The following HHIP variants were observed in gnomAD, a reference collection of about 807,000 sequenced individuals.
HHIP encodes the protein hedgehog-interacting protein.
HHIP carries 12 observed loss-of-function variants against 74.0 expected under a neutral mutation model. The observed-to-expected ratio is 0.16, with a 90% CI of 0.10 to 0.26. The LOEUF (loss-of-function observed/expected upper bound fraction) is 0.26, where lower values mean the gene tolerates loss of function less well. Among genes scored for constraint, HHIP ranks in the 10% least tolerant of loss-of-function variants. HHIP has a pLI of 1.00. For missense variants in HHIP, 788 were observed against 845.0 expected (o/e 0.93, Z 0.84); for synonymous variants, 309 against 311.6 (o/e 0.99, Z 0.09).
rs991007129 is a variant in HHIP, at chr4:144,667,243, A to G, written c.831+7405A>G. Among the ~76,000 whole-genome samples, 4 of 152,224 alleles carry G rather than the reference A, an allele frequency of 2.6e-5. No individual in the cohort carries two copies. The East Asian group carries it at 7.7e-4, about 29-fold the overall frequency. ...CATGCACCTATAGTCTCAGCTACTCAAGAGGCTCAGCGAGAGGATCCCTTG... is the reference window on the plus strand; with the variant it reads ...CATGCACCTATAGTCTCAGCTACTCGAGAGGCTCAGCGAGAGGATCCCTTG... On this transcript the variant is annotated intron_variant, in intron 4 of 12. Transcript: ENST00000296575.
At position 144,652,812 on chromosome 4, in the gene HHIP, T is replaced by A; in HGVS notation, c.472+15T>A. 1 of 1,432,176 alleles carries A rather than the reference T, an allele frequency of 7.0e-7. No individual in the cohort carries two copies. Among genetic ancestry groups the A allele is most frequent in the Non-Finnish European group, 9.6e-7 (1 of 1,037,322 alleles). The allele number at this position is 1,432,176 out of a possible 1,614,324, so 88.7% of individuals were successfully genotyped here. A position where few individuals can be genotyped will look rare whatever the true frequency, so the allele number is the denominator to read the frequency against. On this transcript the variant is annotated intron_variant, in intron 2 of 12. Coordinates refer to ENST00000296575, the MANE Select transcript of HHIP (RefSeq NM_022475.3). Reference sequence around the variant, plus strand: ...CCATATTCCAGGTAAGAAAAAAAAATGCATAAGTAAAATAAACCACTGCAC... The same window carrying A: ...CCATATTCCAGGTAAGAAAAAAAAAAGCATAAGTAAAATAAACCACTGCAC...
intron 3 of HHIP, 88 bp from the exon 4 acceptor site, chr4:144,659,549 A>G: frequency 2.5e-6 from 2 of 805,000 alleles, no homozygotes; most frequent in Non-Finnish European, 1.8e-6. Flanking sequence ...TGATTCCTAG[A>G]GGAAATAGAG....
intron 4 of HHIP, among the ~76,000 whole-genome samples, chr4:144,661,644 A>G (rs1188600262): frequency 6.6e-6 from 1 of 152,170 alleles, no homozygotes; most frequent in East Asian, 1.9e-4. Context: ...GGCCACTGTC[A>G]GTATGATGGG....
chr4:144,719,260 G>A (rs2126671109), intron 11 of HHIP, among the ~76,000 whole-genome samples: 1 of 152,290 alleles, frequency 6.6e-6, no homozygotes, highest in Middle Eastern at 3.4e-3. Flanking sequence ...GTGAGGCAGT[G>A]GCTTAGGCTC....
intron 4 of HHIP, among the ~76,000 whole-genome samples, chr4:144,690,070 A>G (rs895875876): frequency 6.6e-6 from 1 of 152,212 alleles, no homozygotes; most frequent in Non-Finnish European, 1.5e-5. Flanking sequence ...GGCCTCCCAA[A>G]GTACTGGGAT....
In HHIP at chr4:144,737,917, T is replaced by G; in HGVS notation, c.2063T>G (p.Met688Arg). Residue 688 changes from methionine to arginine, a missense_variant, in exon 13 of 13, where the codon ATG becomes AGG. Met to Arg is a moderately conservative substitution (Grantham distance 91, BLOSUM62 -1). Coordinates refer to ENST00000296575, the MANE Select transcript of HHIP (RefSeq NM_022475.3). Reference sequence around the variant, plus strand: ...GGTATTCTTGATCAGATCATTGACATGACATCTTACTTGCTGGATCTAACA... The same window carrying G: ...GGTATTCTTGATCAGATCATTGACAGGACATCTTACTTGCTGGATCTAACA... ...RAGILDQIID[M>R]TSYLLDLTSY... 6.2e-7 allele frequency: 1 copy of G among 1,612,640 alleles called. No homozygotes were observed. The highest frequency in any genetic ancestry group is 1.1e-5 in the South Asian group (1 of 90,924).
At chr4:144,733,515 C>T (rs1731019203) in intron 11 of HHIP, among the ~76,000 whole-genome samples, 1 of 152,118 alleles carries the variant, frequency 6.6e-6, no homozygotes, top group South Asian at 2.1e-4. Context: ...AGGGACATAA[C>T]AAGGTAACCT....
Position 144,652,752 on chromosome 4 carries a change from G to A in HHIP, c.427G>A (p.Asp143Asn). 1 of 1,606,094 alleles carries A rather than the reference G, an allele frequency of 6.2e-7. No individual in the cohort carries two copies. The highest frequency in any genetic ancestry group is 2.2e-5 in the East Asian group (1 of 44,794). Residue 143 changes from aspartate to asparagine, a missense_variant, in exon 2 of 13, where the codon GAC (aspartate) becomes AAC (asparagine). Coordinates refer to ENST00000296575, the MANE Select transcript of HHIP (RefSeq NM_022475.3). ...RDLVLPLLCK[D>N]YCKEFFYTCR... Reference sequence around the variant, plus strand: ...CCTAGTACTTCCTCTGCTCTGCAAAGACTATTGCAAAGAATTCTTTTACAC... The same window carrying A: ...CCTAGTACTTCCTCTGCTCTGCAAAAACTATTGCAAAGAATTCTTTTACAC...
chr4:144,705,256 T>C (rs1730101646), intron 4 of HHIP, among the ~76,000 whole-genome samples: 1 of 152,198 alleles, frequency 6.6e-6, no homozygotes, highest in Non-Finnish European at 1.5e-5. Context: ...CCATGTAAAA[T>C]AAGAACTACA....
chr4:144,714,119 G>T, intron 8 of HHIP, 106 bp from the exon 9 acceptor site: 2 of 966,456 alleles, frequency 2.1e-6, no homozygotes, highest in South Asian at 1.5e-5. Context: ...GTGTATCATA[G>T]AACACATTTC....
chr4:144,696,410 A>C (rs1729819429), intron 4 of HHIP, among the ~76,000 whole-genome samples: 1 of 151,944 alleles, frequency 6.6e-6, no homozygotes, highest in African/African-American at 2.4e-5. Context: ...CATTTAATTT[A>C]AAGTAATATA....
chr4:144,683,022 G>T (rs920390543), intron 4 of HHIP, among the ~76,000 whole-genome samples: 1 of 152,196 alleles, frequency 6.6e-6, no homozygotes, highest in Admixed American at 6.5e-5. Context: ...ACCTGAGAGG[G>T]TTTGGACACT....
intron 11 of HHIP, among the ~76,000 whole-genome samples, chr4:144,732,706 T>C (rs991004718): frequency 1.3e-5 from 2 of 152,194 alleles, no homozygotes; most frequent in African/African-American, 4.8e-5. Context: ...TGCCATCTCT[T>C]TGGATTCACC....
chr4:144,692,690 C>A (rs924446998), intron 4 of HHIP, among the ~76,000 whole-genome samples: 4 of 152,152 alleles, frequency 2.6e-5, no homozygotes, highest in African/African-American at 9.7e-5. Context: ...TAAAGTCTCT[C>A]CCCAGCTAGA....
intron 10 of HHIP, 30 bp downstream of exon 10, chr4:144,715,460 C>T: frequency 6.3e-7 from 1 of 1,591,978 alleles, no homozygotes; most frequent in Non-Finnish European, 8.6e-7. Flanking sequence ...TGTTAAGTTT[C>T]ATTCTCACTT....
At chr4:144,657,263 T>C (rs528679595) in intron 2 of HHIP, among the ~76,000 whole-genome samples, 49 of 152,310 alleles carry the variant, frequency 3.2e-4, no homozygotes, top group African/African-American at 1.0e-3. Context: ...AGTAAACTTG[T>C]AGTGTCTTTT....
In HHIP at chr4:144,652,611, T is replaced by C; in HGVS notation, c.286T>C (p.Ser96Pro). ...GLGRLENKIF[S>P]VTNNTECGKL... ...TCTGATTTATGGCTTTCAGATATTT[T>C]CTGTTACCAACAACACAGAATGTGG... Residue 96 changes from serine to proline, a missense_variant, in exon 2 of 13, where the codon TCT (serine) becomes CCT (proline). Around this residue, in one of 3 missense-constraint regions of HHIP, gnomAD observed 373 missense variants for 366.4 expected, o/e 1.02. Transcript: ENST00000296575. The C allele has an allele frequency of 1.3e-6, 2 of 1,596,836 alleles. No homozygotes were observed. Among genetic ancestry groups the C allele is most frequent in the Non-Finnish European group, 1.7e-6 (2 of 1,172,458 alleles).
intron 4 of HHIP, among the ~76,000 whole-genome samples, chr4:144,700,999 GTCCTCTTTT>G (rs1729965716): frequency 6.6e-6 from 1 of 151,862 alleles, no homozygotes; most frequent in Admixed American, 6.6e-5. Flanking sequence ...TTAGTCCCAA[GTCCTCTTTT>G]TCCTCTTTTT....
Position 144,741,617 on chromosome 4 carries a change from A to C in HHIP, c.*3660A>C, listed in dbSNP as rs190175987. 6.6e-6 allele frequency: 1 copy of C among 152,124 alleles called. No individual in the cohort carries two copies. Among genetic ancestry groups the C allele is most frequent in the East Asian group, 1.9e-4 (1 of 5,160 alleles). 9.4% of individuals were successfully genotyped at this position (152,124 alleles called of 1,614,324 possible). On this transcript the variant is annotated 3_prime_UTR_variant, in exon 13 of 13. Transcript: ENST00000296575. ...GGCTGATTTCAAACTCCAGACTTCA[A>C]GTGATCCAGCCCCCCAGGCCTCCCA...
Sources: gnomAD v4.1 joint callset for allele counts (sites outside exome capture counted in the v4.1 genomes callset) on GRCh38, gnomAD v4.1.1 for gene constraint, gnomAD v4.1.1 regional missense constraint, MANE v1.5 for transcripts, NCBI Gene and HGNC (gene_info 2026-07-23, HGNC 2026-07-21) for gene names.